The following TRHDE variants were observed in gnomAD, a reference collection of about 807,000 sequenced individuals.
TRHDE encodes the protein thyrotropin releasing hormone degrading enzyme.
In TRHDE, 72 loss-of-function variants were observed where a neutral mutation model predicts 125.7. That is an observed-to-expected ratio of 0.57 (90% CI 0.47 to 0.70). The LOEUF is 0.70. Among genes scored for constraint, TRHDE ranks in the 30% least tolerant of loss-of-function variants. The pLI, the probability that TRHDE is intolerant of heterozygous loss-of-function variation, is 0.00. For synonymous variants in TRHDE, 509 were observed against 509.1 expected, an observed-to-expected ratio of 1.00 and a Z score of 0.00; for missense variants, 1,110 against 1,327.1, an observed-to-expected ratio of 0.84 and a Z score of 2.54.
chr12:72,537,321 G>C (rs1860959773), intron 6 of TRHDE, among the ~76,000 whole-genome samples: 1 of 151,914 alleles, frequency 6.6e-6, no homozygotes, highest in Non-Finnish European at 1.5e-5. Flanking sequence ...TCAAGGGAGG[G>C]GACCTGTAAT....
intron 2 of TRHDE, among the ~76,000 whole-genome samples, chr12:72,302,482 G>T (rs1169859692): frequency 6.6e-6 from 1 of 152,068 alleles, no homozygotes; most frequent in Non-Finnish European, 1.5e-5. Flanking sequence ...TCTTTACAAA[G>T]ATCATCTCAT....
intron 2 of TRHDE, among the ~76,000 whole-genome samples, chr12:72,169,290 T>A (rs1476770247): frequency 6.6e-6 from 1 of 152,184 alleles, no homozygotes; most frequent in Non-Finnish European, 1.5e-5. Context: ...ATCATTCTCT[T>A]AGGGGGTATG....
At chr12:72,114,497 T>C (rs1189443029) in intron 2 of TRHDE, among the ~76,000 whole-genome samples, 1 of 152,154 alleles carries the variant, frequency 6.6e-6, no homozygotes, top group African/African-American at 2.4e-5. Flanking sequence ...AAATAAAATA[T>C]ATTTACTATT....
chr12:72,140,788 T>C (rs531726319), intron 2 of TRHDE, among the ~76,000 whole-genome samples: 1 of 152,300 alleles, frequency 6.6e-6, no homozygotes, highest in African/African-American at 2.4e-5. Flanking sequence ...CTCAGGTATA[T>C]GCTGAGACAG....
At chr12:72,438,158 T>A (rs1238385368) in intron 3 of TRHDE, among the ~76,000 whole-genome samples, 1 of 151,820 alleles carries the variant, frequency 6.6e-6, no homozygotes, top group African/African-American at 2.4e-5. Context: ...ATATACCATG[T>A]TTTCTTTATC....
At chr12:72,153,917 T>C (rs1236493963) in intron 2 of TRHDE, among the ~76,000 whole-genome samples, 4 of 152,210 alleles carry the variant, frequency 2.6e-5, no homozygotes, top group African/African-American at 9.7e-5. Flanking sequence ...TAGGTCCGCT[T>C]GGTGCAGAGC....
chr12:72,407,602 T>C (rs1217831082), intron 3 of TRHDE, among the ~76,000 whole-genome samples: 2 of 152,178 alleles, frequency 1.3e-5, no homozygotes, highest in Non-Finnish European at 2.9e-5. Context: ...TTTAGAAATG[T>C]AAGATTTAAA....
chr12:72,662,312 G>C (rs1874948674), intron 18 of TRHDE, among the ~76,000 whole-genome samples: 1 of 152,122 alleles, frequency 6.6e-6, no homozygotes, highest in South Asian at 2.1e-4. Context: ...ATTTAATCTT[G>C]AAGTAAAATC....
intron 3 of TRHDE, among the ~76,000 whole-genome samples, chr12:72,466,775 A>T (rs1876396019): frequency 6.6e-6 from 1 of 152,174 alleles, no homozygotes; most frequent in African/African-American, 2.4e-5. Flanking sequence ...TCTCAGATGA[A>T]ATGTGACTAC....
chr12:72,562,353 T>C (rs1373426217), intron 8 of TRHDE, 123 bp downstream of exon 8: 4 of 498,404 alleles, frequency 8.0e-6, no homozygotes, highest in Non-Finnish European at 1.4e-5. Flanking sequence ...TTTTCATTTG[T>C]TCATATTGAT....
chr12:72,111,240 A>G (rs969319673), intron 2 of TRHDE, among the ~76,000 whole-genome samples: 4 of 152,150 alleles, frequency 2.6e-5, no homozygotes, highest in Non-Finnish European at 4.4e-5. Flanking sequence ...TTCTATTGAT[A>G]ATCTGATTTC....
At chr12:72,650,782 G>C (rs1019955905) in intron 15 of TRHDE, among the ~76,000 whole-genome samples, 14 of 152,020 alleles carry the variant, frequency 9.2e-5, no homozygotes, top group Non-Finnish European at 1.5e-4. Context: ...AATATACAGA[G>C]GAAAAGACCC....
intron 2 of TRHDE, among the ~76,000 whole-genome samples, chr12:72,320,121 T>G (rs899425596): frequency 3.9e-5 from 6 of 152,144 alleles, no homozygotes; most frequent in Non-Finnish European, 8.8e-5. Context: ...ATTATTTTAG[T>G]CTTGTAAATT....
At chr12:72,294,450 G>A (rs1242121020) in intron 2 of TRHDE, among the ~76,000 whole-genome samples, 1 of 152,286 alleles carries the variant, frequency 6.6e-6, no homozygotes, top group Non-Finnish European at 1.5e-5. Context: ...AGAGAAGGTA[G>A]CTTCTCTCTG....
chr12:72,601,711 T>C (rs73336722), intron 12 of TRHDE, among the ~76,000 whole-genome samples: 1,949 of 152,278 alleles, frequency 0.013, 40 homozygotes, highest in African/African-American at 0.045. Context: ...ACTAAACGCT[T>C]AGATGATTGT....
At chr12:72,555,040 T>C (rs1459768110) in intron 7 of TRHDE, among the ~76,000 whole-genome samples, 1 of 152,222 alleles carries the variant, frequency 6.6e-6, no homozygotes, top group Admixed American at 6.5e-5. Context: ...AAAACTTTCA[T>C]GAGCTGGCAG....
At chr12:72,421,738 G>A (rs1873964137) in intron 3 of TRHDE, among the ~76,000 whole-genome samples, 1 of 152,092 alleles carries the variant, frequency 6.6e-6, no homozygotes, top group African/African-American at 2.4e-5. Context: ...TTATTATTTT[G>A]GACAATGAGT....
In TRHDE at chr12:72,669,902, C is replaced by G. The variant is rs531825311; in HGVS notation, c.*6707C>G. The G allele has an allele frequency of 6.6e-6, 1 of 151,322 alleles. No homozygotes were observed. Among genetic ancestry groups the G allele is most frequent in the African/African-American group, 2.4e-5 (1 of 41,246 alleles). The allele number at this position is 151,322 out of a possible 1,614,324, so 9.4% of individuals were successfully genotyped here. ...TAATCCCTTTGCATTTTGATAATAT[C>G]GAAAACAGATTAGGGCTGAAAAACT... On this transcript the variant is annotated 3_prime_UTR_variant, in exon 19 of 19. Transcript: ENST00000261180.
At chr12:72,356,420 A>G (rs1413299886) in intron 2 of TRHDE, among the ~76,000 whole-genome samples, 1 of 151,504 alleles carries the variant, frequency 6.6e-6, no homozygotes, top group Non-Finnish European at 1.5e-5. Flanking sequence ...AGGAGAAAAG[A>G]TAACTAATGG....
Sources: allele counts gnomAD v4.1 joint callset (sites outside exome capture counted in the v4.1 genomes callset), GRCh38; gene constraint gnomAD v4.1.1; transcripts MANE v1.5; gene names NCBI Gene and HGNC (gene_info 2026-07-23, HGNC 2026-07-21).